Variants in PUF60 observed in about 807,000 individuals in gnomAD.
PUF60 encodes poly(U) binding splicing factor 60, also known as poly(U)-binding-splicing factor PUF60.
Under a neutral mutation model 61.8 loss-of-function variants are expected in PUF60, and 10 were observed. The ratio of observed to expected loss-of-function variants is 0.16; its 90% CI spans 0.10 to 0.27. PUF60 has a LOEUF of 0.27. PUF60 is among the 10% of genes least tolerant of loss of function. PUF60 has a pLI of 1.00. For synonymous variants in PUF60, 353 were observed against 300.9 expected (o/e 1.17, Z -1.79); for missense variants, 371 against 754.0 (o/e 0.49, Z 5.95).
At chr8:143,816,887 C>A in intron 11 of PUF60, 23 bp downstream of exon 11, 1 of 1,566,574 alleles carries the variant, frequency 6.4e-7, no homozygotes, top group Admixed American at 1.8e-5. Flanking sequence ...TCTCCCCCGC[C>A]ACCACCCTGC....
chr8:143,827,096 C>G (rs565442982), intron 1 of PUF60: 32 of 322,094 alleles, frequency 9.9e-5, no homozygotes, highest in African/African-American at 7.1e-4. Flanking sequence ...AAAGACGTCT[C>G]TCTCAGGAGC....
At position 143,818,334 on chromosome 8, in the gene PUF60, G is replaced by A. The variant is rs528045493; in HGVS notation, c.510+39C>T. 2 of 1,609,038 alleles carry A rather than the reference G, an allele frequency of 1.2e-6. No homozygotes were observed. The highest frequency in any genetic ancestry group is 1.3e-5 in the African/African-American group (1 of 75,010). On this transcript the variant is annotated intron_variant, in intron 6 of 11. Transcript: ENST00000526683. The surrounding 1 kb of genome is among the most constrained non-coding windows in gnomAD (Gnocchi z 7.9). ...AGGCTGCGCGAGCCCAGGGGTGGGGGCGAGCCCGAAGTGGCCGGGGCGGAC... is the reference window on the plus strand; with the variant it reads ...AGGCTGCGCGAGCCCAGGGGTGGGGACGAGCCCGAAGTGGCCGGGGCGGAC...
intron 1 of PUF60, 127 bp from the exon 2 acceptor site, chr8:143,824,526 C>T (rs754365361): frequency 2.3e-5 from 21 of 924,504 alleles, no homozygotes; most frequent in Non-Finnish European, 3.1e-5. Context: ...GAGGCATTCC[C>T]GACATGACCC....
Position 143,824,264 on chromosome 8 carries a change from G to A in PUF60, c.111+49C>T, listed in dbSNP as rs1453102791. 32 of 1,466,714 alleles carry A rather than the reference G, an allele frequency of 2.2e-5. No homozygotes were observed. The Middle Eastern group carries it at 7.1e-4, about 32-fold the overall frequency. 90.9% of individuals were successfully genotyped at this position (1,466,714 alleles called of 1,614,324 possible). A position where few individuals can be genotyped will look rare whatever the true frequency, so the allele number is the denominator to read the frequency against. ...GGGACGCACAGGCAGGCGGGCGGGC[G>A]GGCGGGCAGGCGGGCGGGCCTGAGG... is the stretch of plus-strand genomic sequence containing the variant. On this transcript the variant is annotated intron_variant, in intron 2 of 11. Transcript: ENST00000526683.
chr8:143,817,659 G>A lies in PUF60; in HGVS notation c.941C>T (p.Thr314Met), dbSNP rs1242581852. The change falls in exon 9 of 12, where the codon ACG becomes ATG. Residue 314 changes from threonine (T) to methionine (M), a missense_variant. By Grantham distance (81) the Thr-to-Met change is moderately conservative (BLOSUM62 -1). Transcript: ENST00000526683. This position sits in a 1 kb window ranked among gnomAD's most constrained non-coding sequence, Gnocchi z 7.4. ...AGCGGCAGGTGGGAGGCCTCCAGGC[G>A]TGGCTGGTGTGAGTAGGGGCATGGG... Reference protein sequence around the residue: ...TPPMPLLTPATPGGLPPAAAV... With the variant: ...TPPMPLLTPAMPGGLPPAAAV... 3.7e-6 allele frequency: 6 copies of A among 1,612,628 alleles called. No individual in the cohort carries two copies. The African/African-American group carries it at 4.0e-5, about 11-fold the overall frequency.
In PUF60 at chr8:143,817,366, G is replaced by A; in HGVS notation, c.1109C>T (p.Ala370Val). Residue 370 changes from alanine to valine, a missense_variant, in exon 10 of 12, where the codon GCT (alanine) becomes GTT (valine). Coordinates refer to ENST00000526683, the MANE Select transcript of PUF60 (RefSeq NM_078480.3). The surrounding 1 kb of genome is among the most constrained non-coding windows in gnomAD (Gnocchi z 7.4). ...TCCAGGTGCCTGGGCAGCCATGACAGCCTGGGGCAAAGTGCCCAGGGGCTG... is the reference window on the plus strand; with the variant it reads ...TCCAGGTGCCTGGGCAGCCATGACAACCTGGGGCAAAGTGCCCAGGGGCTG... ...LAQPLGTLPQAVMAAQAPGVI... is the reference protein window; with the variant it reads ...LAQPLGTLPQVVMAAQAPGVI... The A allele has an allele frequency of 6.3e-7, 1 of 1,594,292 alleles. No individual in the cohort carries two copies. The highest frequency in any genetic ancestry group is 1.7e-4 in the Middle Eastern group (1 of 5,976).
chr8:143,816,852 G>A, intron 11 of PUF60, 33 bp from the exon 12 acceptor site: 2 of 1,604,180 alleles, frequency 1.2e-6, no homozygotes, highest in African/African-American at 1.3e-5. Flanking sequence ...AGACAGCTGA[G>A]CACTGCGGCC....
rs375692832 is a variant in PUF60, at chr8:143,817,809, G to A, written c.818-27C>T. ...TGTGGGCAGGAGCAGCAGTGAGCAGGGCCAGCCCCAGCCTCAGGTGGCCCC... is the reference window on the plus strand; with the variant it reads ...TGTGGGCAGGAGCAGCAGTGAGCAGAGCCAGCCCCAGCCTCAGGTGGCCCC... On this transcript the variant is annotated intron_variant, in intron 8 of 11. Coordinates refer to ENST00000526683, the MANE Select transcript of PUF60 (RefSeq NM_078480.3). The surrounding 1 kb of genome is among the most constrained non-coding windows in gnomAD (Gnocchi z 7.4). 2.0e-5 allele frequency: 32 copies of A among 1,607,056 alleles called. No individual in the cohort carries two copies. Among genetic ancestry groups the A allele is most frequent in the Admixed American group, 5.1e-5 (3 of 58,916 alleles).
chr8:143,820,845 C>T (rs1166752363), intron 4 of PUF60, 129 bp from the exon 5 acceptor site: 4 of 883,654 alleles, frequency 4.5e-6, no homozygotes, highest in Non-Finnish European at 7.4e-6. Flanking sequence ...TGCCTTCCCA[C>T]ACTGCCGGCC....
At position 143,828,050 on chromosome 8, in the gene PUF60, A is replaced by G. The variant is rs369299867; in HGVS notation, c.24+1230T>C. 9.8e-5 allele frequency among the ~76,000 whole-genome samples: 15 copies of G among 152,336 alleles called. No homozygotes were observed. In the East Asian group the frequency reaches 2.9e-3, roughly 29 times the overall value. On this transcript the variant is annotated intron_variant, in intron 1 of 11. Transcript: ENST00000526683. ...TCCTTTCTCTCTGGAGTGCCCCTCAAAGGTCACTTACTCCTGTGGCTTCAA... is the reference window on the plus strand; with the variant it reads ...TCCTTTCTCTCTGGAGTGCCCCTCAGAGGTCACTTACTCCTGTGGCTTCAA...
chr8:143,827,240 T>C (rs1817734080), intron 1 of PUF60: 1 of 391,442 alleles, frequency 2.6e-6, no homozygotes, highest in Admixed American at 3.0e-5. Context: ...GGGGCCTCTC[T>C]ATGAGGTGAC....
intron 1 of PUF60, 27 bp downstream of exon 1, chr8:143,829,253 C>A: frequency 8.0e-7 from 1 of 1,250,540 alleles, no homozygotes; most frequent in Non-Finnish European, 1.0e-6. Context: ...CCGAGGGCCG[C>A]CCGCGCTCAT....
rs1816582795 is a variant in PUF60, at chr8:143,818,152, C to T, written c.603+41G>A. 2 of 1,600,462 alleles carry T rather than the reference C, an allele frequency of 1.2e-6. No homozygotes were observed. The highest frequency in any genetic ancestry group is 1.7e-5 in the Admixed American group (1 of 58,462). ...AAAAGGCTTCCGTGGAGGGGCAGCC[C>T]TGCACGCCTGCGGGATCGAGGCCTT... On this transcript the variant is annotated intron_variant, in intron 7 of 11. Transcript: ENST00000526683. The surrounding 1 kb of genome is among the most constrained non-coding windows in gnomAD (Gnocchi z 7.9).
intron 1 of PUF60, among the ~76,000 whole-genome samples, chr8:143,828,766 A>T (rs1267266457): frequency 6.6e-6 from 1 of 152,162 alleles, no homozygotes; most frequent in Non-Finnish European, 1.5e-5. Flanking sequence ...AGATAACCAG[A>T]TCCCTCTCCA....
intron 2 of PUF60, 69 bp downstream of exon 2, chr8:143,824,244 G>GCC (rs1817366775): frequency 6.8e-7 from 1 of 1,471,056 alleles, no homozygotes; most frequent in Non-Finnish European, 9.2e-7. Flanking sequence ...GCCCAGGGAC[G>GCC]CACAGGCAGG....
At position 143,816,838 on chromosome 8, in the gene PUF60, G is replaced by A; in HGVS notation, c.1381-19C>T. On this transcript the variant is annotated intron_variant, in intron 11 of 11. Transcript: ENST00000526683. ...CTGTAGACTGTGGGGCAGGGCCGAGGGGAAGACAGCTGAGCACTGCGGCCC... is the reference window on the plus strand; with the variant it reads ...CTGTAGACTGTGGGGCAGGGCCGAGAGGAAGACAGCTGAGCACTGCGGCCC... The A allele has an allele frequency of 3.1e-6, 5 of 1,608,922 alleles. No individual in the cohort carries two copies. The highest frequency in any genetic ancestry group is 4.2e-6 in the Non-Finnish European group (5 of 1,177,264).
Position 143,816,712 on chromosome 8 carries a change from G to A in PUF60, c.1488C>T (p.Val496=), listed in dbSNP as rs780479724. ...CGCCTTGTTTCTCTTGGTAGATGAT[G>A]ACGCGGTTCACGGCCCCGAACTTGC... ...ECGKFGAVNR[V]IIYQEKQGEE... Residue 496 remains valine (V), a synonymous_variant, in exon 12 of 12, where the codon GTC becomes GTT. Coordinates refer to ENST00000526683, the MANE Select transcript of PUF60 (RefSeq NM_078480.3). 9.3e-6 allele frequency: 15 copies of A among 1,613,852 alleles called. No individual in the cohort carries two copies. In the South Asian group the frequency reaches 1.1e-4, roughly 12 times the overall value.
chr8:143,821,435 G>GA, intron 4 of PUF60, 162 bp downstream of exon 4: 1 of 670,480 alleles, frequency 1.5e-6, no homozygotes, highest in East Asian at 2.7e-5. Context: ...GGCCACTCGT[G>GA]CCTCAGAGAG....
intron 1 of PUF60, among the ~76,000 whole-genome samples, chr8:143,826,752 G>C (rs1462813979): frequency 6.6e-6 from 1 of 152,086 alleles, no homozygotes; most frequent in Non-Finnish European, 1.5e-5. Flanking sequence ...AATGTGGAGC[G>C]AATGACTGAA....
Sources: gnomAD v4.1 joint callset for allele counts (sites outside exome capture counted in the v4.1 genomes callset) on GRCh38, gnomAD v4.1.1 for gene constraint, Gnocchi (gnomAD v3.1) non-coding constraint, MANE v1.5 for transcripts, NCBI Gene and HGNC (gene_info 2026-07-23, HGNC 2026-07-21) for gene names.